The following REXO1 variants were observed in gnomAD, a reference collection of about 807,000 sequenced individuals.
The protein encoded by REXO1 is RNA exonuclease 1 homolog.
Under a neutral mutation model 102.6 loss-of-function variants are expected in REXO1, and 42 were observed. That is an observed-to-expected ratio of 0.41 (90% CI 0.32 to 0.53). The LOEUF (loss-of-function observed/expected upper bound fraction) is 0.53, where lower values mean the gene tolerates loss of function less well. Among genes scored for constraint, REXO1 ranks in the 20% least tolerant of loss-of-function variants. The pLI, the probability that REXO1 is intolerant of heterozygous loss-of-function variation, is 0.27. For synonymous variants in REXO1, 908 were observed against 779.1 expected (o/e 1.17, Z -2.76); for missense variants, 1,819 against 1,732.5 (o/e 1.05, Z -0.89).
rs376502876 is a variant in REXO1, at chr19:1,819,082, C to A, written c.2700G>T (p.Arg900Ser). 1 of 1,599,012 alleles carries A rather than the reference C, an allele frequency of 6.3e-7. No individual in the cohort carries two copies. Among genetic ancestry groups the A allele is most frequent in the Non-Finnish European group, 8.5e-7 (1 of 1,172,036 alleles). ...GCGAGAAGCTGGTCTTGGCGGCCAA[C>A]CTGCCCCCCAACACCACCTCGTGGG... ...VVSHEVVLGG[R>S]LAAKTSFSLS... The change falls in exon 8 of 16, where the codon AGG becomes AGT. Residue 900 changes from arginine (R) to serine (S), a missense_variant. Coordinates refer to ENST00000170168, the MANE Select transcript of REXO1 (RefSeq NM_020695.4).
rs767607277 is a variant in REXO1, at chr19:1,826,833, G to GCTCTGC, written c.1911+39_1911+44dup. 5.2e-6 allele frequency: 8 copies of GCTCTGC among 1,544,140 alleles called. No individual in the cohort carries two copies. The highest frequency in any genetic ancestry group is 7.0e-6 in the Non-Finnish European group (8 of 1,146,338). On this transcript the variant is annotated intron_variant, in intron 2 of 15. Transcript: ENST00000170168. The surrounding 1 kb of genome is among the most constrained non-coding windows in gnomAD (Gnocchi z 4.3). ...TAGAAGGTCTCTCACCAGGCCCTCGGCTCTGCCTCTGCCCGAGCCCAGCCC... is the reference window on the plus strand; with the variant it reads ...TAGAAGGTCTCTCACCAGGCCCTCGGCTCTGCCTCTGCCTCTGCCCGAGCCCAGCCC...
intron 15 of REXO1, 35 bp from the exon 16 acceptor site, chr19:1,816,189 C>G: frequency 6.4e-7 from 1 of 1,564,538 alleles, no homozygotes; most frequent in Non-Finnish European, 8.7e-7. Context: ...CCGGCCCCTG[C>G]GCAGGGACGG....
rs564932256 is a variant in REXO1 at position 1,822,280 on chromosome 19, C to T, written c.2231-598G>A. The T allele has an allele frequency of 7.3e-5, 13 of 177,608 alleles. No individual in the cohort carries two copies. In the South Asian group the frequency reaches 2.2e-3, roughly 31 times the overall value. The allele number at this position is 177,608 out of a possible 1,614,324, so 11.0% of individuals were successfully genotyped here. On this transcript the variant is annotated intron_variant, in intron 4 of 15. Transcript: ENST00000170168. ...TGGCCCTAGTCTCAGAGCAACATCC[C>T]TCGAAATGCCATCTGGCCCTGGAAG...
Position 1,817,132 on chromosome 19 carries a change from A to AGGCCCAGATG in REXO1, c.3201+77_3201+86dup, listed in dbSNP as rs1157934851. On this transcript the variant is annotated intron_variant, in intron 12 of 15. Transcript: ENST00000170168. ...AACCCTGAGCGCTGGCCGGTGAGCC[A>AGGCCCAGATG]GGCCCAGATGGGGCCAGATGGGGCG... 4 of 806,452 alleles carry AGGCCCAGATG rather than the reference A, an allele frequency of 5.0e-6. No homozygotes were observed. In the African/African-American group the frequency reaches 1.1e-4, roughly 22 times the overall value. The allele number at this position is 806,452 out of a possible 1,614,324, so 50.0% of individuals were successfully genotyped here.
chr19:1,818,381 G>A, intron 10 of REXO1, 101 bp downstream of exon 10: 1 of 857,906 alleles, frequency 1.2e-6, no homozygotes, highest in Non-Finnish European at 1.8e-6. Context: ...GTGGGATGGA[G>A]GGCCTGGGTA....
intron 1 of REXO1, 147 bp from the exon 2 acceptor site, chr19:1,828,778 GC>G: frequency 9.0e-7 from 1 of 1,114,414 alleles, no homozygotes. Flanking sequence ...GCTCTGGGGT[GC>G]CCAGCTGGGT....
In REXO1 at chr19:1,816,241, C is replaced by A; in HGVS notation, c.3561G>T (p.Gln1187His). Residue 1187 changes from glutamine (Q) to histidine (H), a missense_variant, in exon 15 of 16, where the codon CAG becomes CAT. By Grantham distance (24) the Gln-to-His change is conservative (BLOSUM62 0). Coordinates refer to ENST00000170168, the MANE Select transcript of REXO1 (RefSeq NM_020695.4). ...LRNLMADYLRQIIQDNVDGHS... is the reference protein window; with the variant it reads ...LRNLMADYLRHIIQDNVDGHS... The stretch of plus-strand genomic sequence containing the variant: ...GGCACTCACCATTGTCCTGGATGAT[C>A]TGTCTGAGGTAGTCGGCCATGAGGT... The A allele has an allele frequency of 6.3e-7, 1 of 1,588,068 alleles. No individual in the cohort carries two copies. The highest frequency in any genetic ancestry group is 8.6e-7 in the Non-Finnish European group (1 of 1,167,258).
At chr19:1,819,487 GCCAAC>G (rs2069469397) in intron 7 of REXO1, among the ~76,000 whole-genome samples, 1 of 152,198 alleles carries the variant, frequency 6.6e-6, no homozygotes, top group Non-Finnish European at 1.5e-5. Context: ...AGCCTGCGAC[GCCAAC>G]CCAGGGCCCC....
chr19:1,833,937 G>A (rs1234104226), intron 1 of REXO1, among the ~76,000 whole-genome samples: 1 of 152,192 alleles, frequency 6.6e-6, no homozygotes, highest in East Asian at 1.9e-4. Flanking sequence ...CCAGCTAACG[G>A]GGATGCAGAG....
chr19:1,819,716 C>A (rs1053477351), intron 7 of REXO1, among the ~76,000 whole-genome samples: 1 of 152,346 alleles, frequency 6.6e-6, no homozygotes, highest in African/African-American at 2.4e-5. Flanking sequence ...CCCCACTCAG[C>A]GGAGGAAGGC....
At chr19:1,829,568 G>C (rs538938308) in intron 1 of REXO1, among the ~76,000 whole-genome samples, 1 of 152,190 alleles carries the variant, frequency 6.6e-6, no homozygotes, top group Non-Finnish European at 1.5e-5. Context: ...CAACATTTTG[G>C]GAGGCCAAGG....
At chr19:1,838,967 A>G (rs1235106351) in intron 1 of REXO1, among the ~76,000 whole-genome samples, 3 of 151,234 alleles carry the variant, frequency 2.0e-5, no homozygotes, top group African/African-American at 7.3e-5. Context: ...AAATACAAAA[A>G]TCAGCAGCTG....
intron 3 of REXO1, among the ~76,000 whole-genome samples, 191 bp downstream of exon 3, chr19:1,825,648 G>A (rs758245289): frequency 1.5e-4 from 22 of 151,450 alleles, no homozygotes; most frequent in Non-Finnish European, 2.5e-4. Context: ...GCTAATTTTT[G>A]TATTTTTAGT....
At chr19:1,839,647 CAT>C (rs1245782178) in intron 1 of REXO1, among the ~76,000 whole-genome samples, 1 of 152,394 alleles carries the variant, frequency 6.6e-6, no homozygotes, top group South Asian at 2.1e-4. Flanking sequence ...TCCTCCAGCA[CAT>C]GTTCTCTGAA....
intron 1 of REXO1, among the ~76,000 whole-genome samples, chr19:1,842,866 A>G (rs2145333858): frequency 6.6e-6 from 1 of 152,368 alleles, no homozygotes; most frequent in South Asian, 2.1e-4. Flanking sequence ...CTTCAAAAGT[A>G]AAGCACCCAG....
In REXO1 at chr19:1,841,781, C is replaced by T. The variant is rs368075973; in HGVS notation, c.157+6421G>A. Among the ~76,000 whole-genome samples the T allele has an allele frequency of 1.6e-3, 241 of 152,230 alleles. 2 individuals are homozygous for T. The highest frequency in any genetic ancestry group is 0.011 in the South Asian group (53 of 4,826). ...TCCCCGGAACCCCTCCCAGCAGGCA[C>T]GCTTGTCCCCGCTGACCCCAGCCCC... On this transcript the variant is annotated intron_variant, in intron 1 of 15. Transcript: ENST00000170168.
chr19:1,832,370 C>T (rs1425882198), intron 1 of REXO1, among the ~76,000 whole-genome samples: 1 of 152,176 alleles, frequency 6.6e-6, no homozygotes, highest in Non-Finnish European at 1.5e-5. Flanking sequence ...GCAGCCTCAC[C>T]GGGTGATGAA....
Position 1,816,025 on chromosome 19 carries a change from C to A in REXO1, c.*41G>T, listed in dbSNP as rs1448200800. The A allele has an allele frequency of 5.2e-6, 8 of 1,540,246 alleles. No individual in the cohort carries two copies. In the East Asian group the frequency reaches 7.3e-5, roughly 14 times the overall value. On this transcript the variant is annotated 3_prime_UTR_variant, in exon 16 of 16. Transcript: ENST00000170168. ...TTGGAAGAGGCATGGGGCTAAGGAC[C>A]AGCGGGACGGCAGGAGAGGCGGGTG...
At chr19:1,833,167 A>G (rs993379925) in intron 1 of REXO1, among the ~76,000 whole-genome samples, 3 of 152,132 alleles carry the variant, frequency 2.0e-5, no homozygotes, top group Non-Finnish European at 4.4e-5. Context: ...CAAGGCTTCA[A>G]TGAGCTGTGA....
Sources: gnomAD v4.1 joint callset for allele counts (sites outside exome capture counted in the v4.1 genomes callset) on GRCh38, gnomAD v4.1.1 for gene constraint, Gnocchi (gnomAD v3.1) non-coding constraint, MANE v1.5 for transcripts, NCBI Gene and HGNC (gene_info 2026-07-23, HGNC 2026-07-21) for gene names.